Variants in ABHD12 observed in about 807,000 individuals in gnomAD.
ABHD12 encodes the protein abhydrolase domain containing 12, lysophospholipase.
In ABHD12, 43 loss-of-function variants were observed where a neutral mutation model predicts 58.3. The observed-to-expected ratio is 0.74, with a 90% CI of 0.58 to 0.95. The LOEUF (loss-of-function observed/expected upper bound fraction) is 0.95. Among genes scored for constraint, ABHD12 ranks in the 40% least tolerant of loss-of-function variants. ABHD12 has a pLI of 0.00. For missense variants in ABHD12, 539 were observed against 537.2 expected, an observed-to-expected ratio of 1.00 and a Z score of -0.03; for synonymous variants, 219 against 211.2, an observed-to-expected ratio of 1.04 and a Z score of -0.32.
intron 6 of ABHD12, among the ~76,000 whole-genome samples, chr20:25,310,672 C>T (rs758149914): frequency 9.2e-5 from 14 of 151,922 alleles, no homozygotes; most frequent in Non-Finnish European, 1.8e-4. Context: ...GGACAGGAGA[C>T]AGAGACAGAC....
At chr20:25,309,735 G>A (rs960792620) in intron 6 of ABHD12, among the ~76,000 whole-genome samples, 160 bp from the exon 7 acceptor site, 1 of 152,218 alleles carries the variant, frequency 6.6e-6, no homozygotes, top group Admixed American at 6.5e-5. Flanking sequence ...ACTGGGCAGA[G>A]CAAGCAGTGG....
intron 1 of ABHD12, among the ~76,000 whole-genome samples, chr20:25,374,860 T>C (rs1260510630): frequency 6.6e-6 from 1 of 152,214 alleles, no homozygotes; most frequent in Non-Finnish European, 1.5e-5. Flanking sequence ...CAGTCGGTTT[T>C]CATTGATTAT....
Position 25,320,262 on chromosome 20 carries a change from T to C in ABHD12, c.479A>G (p.Tyr160Cys). The change falls in exon 4 of 13, where the codon TAT becomes TGT. Residue 160 changes from tyrosine to cysteine, a missense_variant. Transcript: ENST00000339157. ...GTGGCTGGAAGCCAAGGCATCCTCA[T>C]ACCACATCTGGTCTTTGCCTTGGGC... ...KNAQGKDQMW[Y>C]EDALASSHPI... The C allele has an allele frequency of 1.2e-6, 2 of 1,614,180 alleles. No homozygotes were observed. Among genetic ancestry groups the C allele is most frequent in the Non-Finnish European group, 1.7e-6 (2 of 1,180,036 alleles).
intron 1 of ABHD12, among the ~76,000 whole-genome samples, chr20:25,377,831 G>A (rs769931369): frequency 6.6e-6 from 1 of 152,182 alleles, no homozygotes; most frequent in Non-Finnish European, 1.5e-5. Context: ...CCAAGTAGCT[G>A]GGATTACAGG....
At chr20:25,351,828 G>C (rs971129393) in intron 1 of ABHD12, among the ~76,000 whole-genome samples, 1 of 151,988 alleles carries the variant, frequency 6.6e-6, no homozygotes, top group Non-Finnish European at 1.5e-5. Context: ...TTGAACTCAG[G>C]GGGTGGAGGT....
intron 1 of ABHD12, among the ~76,000 whole-genome samples, chr20:25,373,745 A>G (rs1242485471): frequency 6.6e-6 from 1 of 151,390 alleles, no homozygotes; most frequent in Non-Finnish European, 1.5e-5. Context: ...ATACTGCTTC[A>G]TGTTTCTTAT....
chr20:25,379,039 T>C (rs2089992316), intron 1 of ABHD12, among the ~76,000 whole-genome samples: 1 of 152,246 alleles, frequency 6.6e-6, no homozygotes, highest in Non-Finnish European at 1.5e-5. Flanking sequence ...CCGAGAGTTC[T>C]GCCTGGTCCC....
At chr20:25,356,900 C>A (rs1726658078) in intron 1 of ABHD12, among the ~76,000 whole-genome samples, 1 of 151,778 alleles carries the variant, frequency 6.6e-6, no homozygotes, top group South Asian at 2.1e-4. Context: ...CGTTGGGAGG[C>A]CAAAGTAGGA....
In ABHD12 at chr20:25,307,067, C is replaced by G. The variant is rs2088757806; in HGVS notation, c.868-152G>C. On this transcript the variant is annotated intron_variant, in intron 9 of 12. Coordinates refer to ENST00000339157, the MANE Select transcript of ABHD12 (RefSeq NM_001042472.3). The stretch of plus-strand genomic sequence containing the variant: ...CAGGGGTGACATTGCCAAGGGGCCA[C>G]CAGAGCTGTGCCCTGGCACCTTCTG... 3 of 678,326 alleles carry G rather than the reference C, an allele frequency of 4.4e-6. No homozygotes were observed. In the South Asian group the frequency reaches 4.6e-5, roughly 10 times the overall value. 42.0% of individuals were successfully genotyped at this position (678,326 alleles called of 1,614,324 possible).
chr20:25,385,269 G>A (rs926956838), intron 1 of ABHD12, among the ~76,000 whole-genome samples: 13 of 148,632 alleles, frequency 8.7e-5, no homozygotes, highest in African/African-American at 1.0e-4. Context: ...ACTGGGAGGC[G>A]GAGGTTGCAA....
chr20:25,317,042 A>C lies in ABHD12; in HGVS notation c.573+6T>G, dbSNP rs1489859350. ...GGGAACAGGTGTGGGTGCTGCCTGC[A>C]CTCACCTTGTAAAGCTCCACGCGGT... On this transcript the variant is annotated splice_donor_region_variant and intron_variant, in intron 5 of 12. Transcript: ENST00000339157. The C allele has an allele frequency of 1.2e-6, 2 of 1,612,820 alleles. No individual in the cohort carries two copies. Among genetic ancestry groups the C allele is most frequent in the Non-Finnish European group, 1.7e-6 (2 of 1,179,436 alleles).
intron 1 of ABHD12, among the ~76,000 whole-genome samples, chr20:25,372,058 G>C (rs913123378): frequency 6.6e-6 from 1 of 152,082 alleles, no homozygotes; most frequent in Non-Finnish European, 1.5e-5. Flanking sequence ...CTGGAGTGCA[G>C]TGGCATGCTC....
At chr20:25,369,500 C>T (rs760118896) in intron 1 of ABHD12, among the ~76,000 whole-genome samples, 5 of 152,140 alleles carry the variant, frequency 3.3e-5, no homozygotes, top group Non-Finnish European at 7.4e-5. Flanking sequence ...GACACTGCCA[C>T]CTCCACACAA....
At chr20:25,383,180 T>C (rs377212993) in intron 1 of ABHD12, among the ~76,000 whole-genome samples, 1 of 152,210 alleles carries the variant, frequency 6.6e-6, no homozygotes, top group East Asian at 1.9e-4. Flanking sequence ...AGGCTGACAC[T>C]GAAGAAGACA....
intron 2 of ABHD12, among the ~76,000 whole-genome samples, chr20:25,326,689 T>C (rs929922096): frequency 6.6e-6 from 1 of 152,146 alleles, no homozygotes; most frequent in African/African-American, 2.4e-5. Context: ...AGTCCTATAA[T>C]GATTTGTTTT....
intron 9 of ABHD12, 50 bp downstream of exon 9, chr20:25,307,915 AT>A: frequency 1.1e-6 from 1 of 943,530 alleles, no homozygotes; most frequent in Non-Finnish European, 1.7e-6. Context: ...AGTTATTTCT[AT>A]AATTTATCTT....
At chr20:25,295,788 G>A, downstream of ABHD12, 1 of 1,159,280 alleles carries the variant, frequency 8.6e-7, no homozygotes, top group Non-Finnish European at 1.3e-6. Context: ...AGAGGGGTTT[G>A]TGATTCTGAT....
intron 6 of ABHD12, among the ~76,000 whole-genome samples, chr20:25,311,616 C>A (rs958528997): frequency 1.3e-5 from 2 of 152,216 alleles, no homozygotes; most frequent in African/African-American, 4.8e-5. Flanking sequence ...AGGATAGACA[C>A]GCCACCTGCC....
downstream of ABHD12, chr20:25,296,296 G>C: frequency 6.4e-7 from 1 of 1,565,638 alleles, no homozygotes. Flanking sequence ...CAGTCCTAAA[G>C]TTCTGGAATC....
Sources: gnomAD v4.1 joint callset for allele counts (sites outside exome capture counted in the v4.1 genomes callset) on GRCh38, gnomAD v4.1.1 for gene constraint, MANE v1.5 for transcripts, NCBI Gene and HGNC (gene_info 2026-07-23, HGNC 2026-07-21) for gene names.